Variants in PTCHD1 observed in about 807,000 individuals in gnomAD.
The protein encoded by PTCHD1 is patched domain containing 1.
PTCHD1 carries 3 observed loss-of-function variants against 34.6 expected under a neutral mutation model. The observed-to-expected ratio is 0.09, with a 90% CI of 0.04 to 0.22. The LOEUF (loss-of-function observed/expected upper bound fraction) is 0.22, where lower values mean the gene tolerates loss of function less well. Among genes scored for constraint, PTCHD1 ranks in the 10% least tolerant of loss-of-function variants. The pLI is 1.00. For missense variants in PTCHD1, 504 were observed against 685.5 expected (o/e 0.74, Z 2.96); for synonymous variants, 305 against 283.1 (o/e 1.08, Z -0.77).
intron 1 of PTCHD1, among the ~76,000 whole-genome samples, chrX:23,356,768 C>G (rs1286019418): frequency 1.8e-5 from 2 of 112,021 alleles, no homozygotes; most frequent in African/African-American, 3.3e-5. Flanking sequence ...TATGGGATTT[C>G]CAGGCATTAA....
chrX:23,355,027 T>A (rs1231948321), intron 1 of PTCHD1, among the ~76,000 whole-genome samples: 1 of 86,842 alleles, frequency 1.2e-5, no homozygotes. Context: ...TGTAAGGCTT[T>A]TTTGGGGGGA....
chrX:23,392,881 G>A lies in PTCHD1; in HGVS notation c.1363G>A (p.Ala455Thr), dbSNP rs866576767. Residue 455 changes from alanine (A) to threonine (T), a missense_variant, in exon 3 of 3, where the codon GCA becomes ACA. Physicochemically the swap from Ala to Thr is moderately conservative, Grantham distance 58. Coordinates refer to ENST00000379361, the MANE Select transcript of PTCHD1 (RefSeq NM_173495.3). ...PKPEALQEKP[A>T]WYRFLLTARF... ...GCCTGAGGCATTGCAGGAGAAGCCG[G>A]CATGGTACAGGTTTCTCCTGACGGC... 1 of 1,211,792 alleles carries A rather than the reference G, an allele frequency of 8.3e-7. No individual in the cohort carries two copies. Among genetic ancestry groups the A allele is most frequent in the Non-Finnish European group, 1.1e-6 (1 of 895,310 alleles).
chrX:23,353,246 C>G (rs1601905250), intron 1 of PTCHD1, among the ~76,000 whole-genome samples: 1 of 112,489 alleles, frequency 8.9e-6, no homozygotes, highest in Non-Finnish European at 1.9e-5. Flanking sequence ...CATGGGAACT[C>G]TAAACTAATT....
intron 1 of PTCHD1, among the ~76,000 whole-genome samples, chrX:23,347,717 C>T (rs1921513670): frequency 8.9e-6 from 1 of 111,970 alleles, no homozygotes; most frequent in Non-Finnish European, 1.9e-5. Flanking sequence ...TTGAAAGTAA[C>T]TATGAAGGCC....
chrX:23,349,403 A>G (rs1921566583), intron 1 of PTCHD1, among the ~76,000 whole-genome samples: 1 of 111,922 alleles, frequency 8.9e-6, no homozygotes, highest in African/African-American at 3.2e-5. Flanking sequence ...ACCTAACTCT[A>G]TATTGTCTAT....
At chrX:23,353,612 A>AC (rs1315423750) in intron 1 of PTCHD1, among the ~76,000 whole-genome samples, 46 of 100,280 alleles carry the variant, frequency 4.6e-4, no homozygotes, top group South Asian at 4.3e-3. Flanking sequence ...AACAAAACAA[A>AC]AAAAAAAAAC....
rs185677937 is a variant in PTCHD1 at position 23,393,973 on chromosome X, C to A, written c.2455C>A (p.Leu819Met). Residue 819 changes from leucine (L) to methionine (M), a missense_variant, in exon 3 of 3, where the codon CTG (leucine) becomes ATG (methionine). Leu to Met is a conservative substitution (Grantham distance 15). Transcript: ENST00000379361. ...TCCTCTTGCAGCTGTGCCTTCAAAT[C>A]TGACCTGTACACTGTTCAGGTGCTT... ...LIPLAAVPSN[L>M]TCTLFRCLFL... 15 of 1,208,042 alleles carry A rather than the reference C, an allele frequency of 1.2e-5. No homozygotes were observed. The highest frequency in any genetic ancestry group is 1.7e-5 in the Non-Finnish European group (15 of 894,082).
intron 1 of PTCHD1, among the ~76,000 whole-genome samples, chrX:23,358,185 C>T (rs952424548): frequency 9.0e-6 from 1 of 111,612 alleles, no homozygotes; most frequent in Non-Finnish European, 1.9e-5. Context: ...GGAATGAGAT[C>T]GCTGGATCAA....
chrX:23,364,164 T>G (rs988334975), intron 1 of PTCHD1, among the ~76,000 whole-genome samples: 3 of 110,925 alleles, frequency 2.7e-5, no homozygotes, highest in African/African-American at 9.9e-5. Flanking sequence ...CTAGCTGAAG[T>G]TGATAGAGTC....
Position 23,403,639 on chromosome X carries a change from C to T in PTCHD1, c.*9454C>T, listed in dbSNP as rs1261488441. ...CCCTCTACATCATCATAGCAAGGCC[C>T]TTCTGAACATTAACAAGCCTAGATG... On this transcript the variant is annotated 3_prime_UTR_variant, in exon 3 of 3. Coordinates refer to ENST00000379361, the MANE Select transcript of PTCHD1 (RefSeq NM_173495.3). 1 of 111,270 alleles carries T rather than the reference C, an allele frequency of 9.0e-6. No individual in the cohort carries two copies. Among genetic ancestry groups the T allele is most frequent in the African/African-American group, 3.3e-5 (1 of 30,585 alleles). 9.2% of individuals were successfully genotyped at this position (111,270 alleles called of 1,213,427 possible). A position where few individuals can be genotyped will look rare whatever the true frequency, so the allele number is the denominator to read the frequency against.
chrX:23,384,400 G>A (rs774244642), intron 2 of PTCHD1, among the ~76,000 whole-genome samples: 2 of 112,068 alleles, frequency 1.8e-5, no homozygotes, highest in African/African-American at 6.5e-5. Flanking sequence ...TCAGATTCAA[G>A]GACGTGAAAG....
chrX:23,354,595 C>T (rs374593727), intron 1 of PTCHD1, among the ~76,000 whole-genome samples: 3 of 91,891 alleles, frequency 3.3e-5, no homozygotes, highest in African/African-American at 1.3e-4. Context: ...TTTTTTGAGA[C>T]GGAGTCTCGC....
At chrX:23,366,020 T>TGCA (rs1922130590) in intron 1 of PTCHD1, among the ~76,000 whole-genome samples, 1 of 112,328 alleles carries the variant, frequency 8.9e-6, no homozygotes, top group Admixed American at 9.4e-5. Flanking sequence ...ACCTGGGAAA[T>TGCA]GCAGCCCAAA....
intron 1 of PTCHD1, among the ~76,000 whole-genome samples, chrX:23,348,140 A>T (rs974548451): frequency 8.9e-6 from 1 of 111,878 alleles, no homozygotes; most frequent in Non-Finnish European, 1.9e-5. Flanking sequence ...CTAGAGATAA[A>T]CACTGGAACA....
intron 1 of PTCHD1, among the ~76,000 whole-genome samples, chrX:23,376,848 C>G (rs147618432): frequency 8.9e-6 from 1 of 112,505 alleles, no homozygotes; most frequent in African/African-American, 3.2e-5. Context: ...ACCCACCACT[C>G]TGTCGGAAAG....
intron 1 of PTCHD1, among the ~76,000 whole-genome samples, chrX:23,352,905 T>C (rs1921681028): frequency 8.9e-6 from 1 of 111,841 alleles, no homozygotes; most frequent in African/African-American, 3.3e-5. Context: ...CCTTAGCTGA[T>C]TTCTACACAT....
intron 2 of PTCHD1, among the ~76,000 whole-genome samples, chrX:23,387,820 G>C (rs1174993024): frequency 8.9e-6 from 1 of 112,004 alleles, no homozygotes; most frequent in Admixed American, 9.5e-5. Flanking sequence ...CAGACATGCA[G>C]GGTAACAAAA....
Position 23,399,693 on chromosome X carries a change from T to C in PTCHD1, c.*5508T>C, listed in dbSNP as rs1269023899. Reference sequence around the variant, plus strand: ...ATTCTTTCATTCATTCATTTCTTTATTCTGCAAATGTATTTTCAGTGCCAA... The same window carrying C: ...ATTCTTTCATTCATTCATTTCTTTACTCTGCAAATGTATTTTCAGTGCCAA... On this transcript the variant is annotated 3_prime_UTR_variant, in exon 3 of 3. Transcript: ENST00000379361. The C allele has an allele frequency of 8.9e-6, 1 of 112,535 alleles. No homozygotes were observed. 9.3% of individuals were successfully genotyped at this position (112,535 alleles called of 1,213,427 possible).
intron 1 of PTCHD1, among the ~76,000 whole-genome samples, chrX:23,354,817 C>G (rs529083627): frequency 1.8e-5 from 2 of 109,108 alleles, no homozygotes; most frequent in Non-Finnish European, 3.8e-5. Context: ...GTGATCACCC[C>G]GCCTCGGCCT....
Sources: gnomAD v4.1 joint callset for allele counts (sites outside exome capture counted in the v4.1 genomes callset) on GRCh38, gnomAD v4.1.1 for gene constraint, MANE v1.5 for transcripts, NCBI Gene and HGNC (gene_info 2026-07-23, HGNC 2026-07-21) for gene names.